Variants in PSMD14 observed in about 807,000 individuals in gnomAD.
PSMD14 encodes ubiquitin C-terminal hydrolase PSMD14.
A neutral mutation model predicts 41.2 loss-of-function variants in PSMD14; 7 were observed. That is an observed-to-expected ratio of 0.17 (90% CI 0.10 to 0.32). The LOEUF is 0.32. Among genes scored for constraint, PSMD14 ranks in the 10% least tolerant of loss-of-function variants. The pLI is 1.00. For synonymous variants in PSMD14, 114 were observed against 122.3 expected (o/e 0.93, Z 0.45); for missense variants, 139 against 375.6 (o/e 0.37, Z 5.21).
chr2:161,332,193 T>C (rs1682803525), intron 3 of PSMD14, among the ~76,000 whole-genome samples: 1 of 152,238 alleles, frequency 6.6e-6, no homozygotes, highest in Non-Finnish European at 1.5e-5. Context: ...TAAGACTATT[T>C]AAGGAATTTG....
chr2:161,346,427 C>G (rs76825570), intron 3 of PSMD14, among the ~76,000 whole-genome samples: 1 of 151,670 alleles, frequency 6.6e-6, no homozygotes, highest in South Asian at 2.1e-4. Flanking sequence ...TTAAAAACTT[C>G]TAAATGTCTT....
At chr2:161,397,417 G>C (rs1683816052) in intron 10 of PSMD14, among the ~76,000 whole-genome samples, 1 of 152,176 alleles carries the variant, frequency 6.6e-6, no homozygotes, top group East Asian at 1.9e-4. Context: ...CTGCCTGGGT[G>C]ACCAGTAGTA....
chr2:161,316,808 G>T (rs999681692), intron 2 of PSMD14, among the ~76,000 whole-genome samples: 3 of 151,960 alleles, frequency 2.0e-5, no homozygotes, highest in Non-Finnish European at 2.9e-5. Flanking sequence ...TTTCCTCTTT[G>T]CTGTGATATC....
intron 4 of PSMD14, 49 bp downstream of exon 4, chr2:161,367,598 C>A: frequency 6.7e-7 from 1 of 1,498,098 alleles, no homozygotes; most frequent in Non-Finnish European, 9.1e-7. Context: ...GTTGCTTTCA[C>A]TGTATCTTTT....
Position 161,340,838 on chromosome 2 carries a change from C to T in PSMD14, c.48+21965C>T. On this transcript the variant is annotated intron_variant, in intron 3 of 11. Transcript: ENST00000409682. ...GTTATTCTTCAGTTCTCTGCTCCTC[C>T]TCCAGCTCCTCTTTGGTCATCATCT... The T allele has an allele frequency of 5.0e-6, 8 of 1,614,010 alleles. No homozygotes were observed. In the South Asian group the frequency reaches 5.5e-5, roughly 11 times the overall value.
intron 9 of PSMD14, among the ~76,000 whole-genome samples, chr2:161,392,860 A>G (rs571814309): frequency 1.3e-5 from 2 of 152,340 alleles, no homozygotes; most frequent in Non-Finnish European, 2.9e-5. Context: ...CATTCAGAAT[A>G]TAAATATTTT....
chr2:161,327,946 CTGTGTGTGTGTGTGTGTGTGTG>C (rs369674882), intron 3 of PSMD14, among the ~76,000 whole-genome samples: 2 of 117,116 alleles, frequency 1.7e-5, no homozygotes, highest in East Asian at 5.9e-4. Context: ...CTCATGTAAG[CTGTGTGTGTGTGTGTGTGTGTG>C]TGTGTGTGTG....
chr2:161,326,742 G>A (rs959127815), intron 3 of PSMD14, among the ~76,000 whole-genome samples: 4 of 152,112 alleles, frequency 2.6e-5, no homozygotes, highest in African/African-American at 7.2e-5. Flanking sequence ...GACCTCTGAT[G>A]ATACCAAAAT....
At chr2:161,348,002 A>T (rs1403783854) in intron 3 of PSMD14, among the ~76,000 whole-genome samples, 1 of 152,244 alleles carries the variant, frequency 6.6e-6, no homozygotes, top group Non-Finnish European at 1.5e-5. Flanking sequence ...ATCAATAAGA[A>T]AAAGATATCC....
chr2:161,388,623 A>T (rs996680887), intron 8 of PSMD14, among the ~76,000 whole-genome samples: 1 of 152,124 alleles, frequency 6.6e-6, no homozygotes, highest in Non-Finnish European at 1.5e-5. Context: ...TTTATATTCA[A>T]AAAGCTTCAT....
At chr2:161,320,453 G>A (rs1254056523) in intron 3 of PSMD14, among the ~76,000 whole-genome samples, 3 of 152,004 alleles carry the variant, frequency 2.0e-5, no homozygotes, top group Non-Finnish European at 4.4e-5. Flanking sequence ...TGATTAATCA[G>A]CCATTGTGTC....
At chr2:161,372,891 T>C (rs536945719) in intron 7 of PSMD14, among the ~76,000 whole-genome samples, 48 of 152,068 alleles carry the variant, frequency 3.2e-4, no homozygotes, top group East Asian at 3.1e-3. Flanking sequence ...ATTAGAATTC[T>C]ATTTTGTAGT....
chr2:161,393,008 A>G (rs1160999911), intron 9 of PSMD14, among the ~76,000 whole-genome samples: 1 of 152,164 alleles, frequency 6.6e-6, no homozygotes, highest in African/African-American at 2.4e-5. Context: ...AAGCACTTAC[A>G]TAAATTACTT....
chr2:161,349,842 G>C (rs1330502717), intron 3 of PSMD14, among the ~76,000 whole-genome samples: 1 of 152,126 alleles, frequency 6.6e-6, no homozygotes, highest in Admixed American at 6.5e-5. Context: ...ATGTTTTCTT[G>C]CCTAAAGTAA....
rs150756369 is a variant in PSMD14, at chr2:161,396,521, G to A, written c.771+1318G>A. On this transcript the variant is annotated intron_variant, in intron 10 of 11. Coordinates refer to ENST00000409682, the MANE Select transcript of PSMD14 (RefSeq NM_005805.6). The stretch of plus-strand genomic sequence containing the variant: ...TAGGGCATTATTTTAAGTGAAATAA[G>A]CCAGGCATTGAAAGCCAAATACCAC... Among the ~76,000 whole-genome samples, 997 of 152,220 alleles carry A rather than the reference G, an allele frequency of 6.5e-3. 9 individuals are homozygous for A. The highest frequency in any genetic ancestry group is 0.012 in the Non-Finnish European group (794 of 68,008).
chr2:161,341,395 A>G (rs1682959736), intron 3 of PSMD14: 1 of 759,192 alleles, frequency 1.3e-6, no homozygotes, highest in Non-Finnish European at 1.6e-6. Flanking sequence ...GTCCTTTGTT[A>G]ATGAATTTTA....
intron 3 of PSMD14, among the ~76,000 whole-genome samples, chr2:161,326,069 G>T (rs1682691372): frequency 6.6e-6 from 1 of 152,040 alleles, no homozygotes; most frequent in Non-Finnish European, 1.5e-5. Flanking sequence ...ATGGAGTCTT[G>T]CTCTGTCACC....
intron 10 of PSMD14, among the ~76,000 whole-genome samples, chr2:161,397,862 T>C (rs1683823459): frequency 6.6e-6 from 1 of 152,194 alleles, no homozygotes; most frequent in Non-Finnish European, 1.5e-5. Context: ...GTATACGTTT[T>C]CATGCTGTGG....
At chr2:161,369,986 A>G (rs1683411027) in intron 5 of PSMD14, 121 bp from the exon 6 acceptor site, 1 of 626,686 alleles carries the variant, frequency 1.6e-6, no homozygotes, top group South Asian at 2.1e-5. Flanking sequence ...TGACTTGAGT[A>G]GGTATCAAAT....
Sources: allele counts gnomAD v4.1 joint callset (sites outside exome capture counted in the v4.1 genomes callset), GRCh38; gene constraint gnomAD v4.1.1; transcripts MANE v1.5; gene names NCBI Gene and HGNC (gene_info 2026-07-23, HGNC 2026-07-21).